The following SUGCT variants were observed in gnomAD, a reference collection of about 807,000 sequenced individuals.
SUGCT encodes the protein succinyl-CoA:glutarate-CoA transferase, also known as succinyl-CoA:glutarate CoA-transferase.
A neutral mutation model predicts 55.0 loss-of-function variants in SUGCT; 41 were observed. The ratio of observed to expected loss-of-function variants is 0.74; its 90% CI spans 0.58 to 0.97. The LOEUF is 0.97. Among genes scored for constraint, SUGCT ranks in the 50% least tolerant of loss-of-function variants. SUGCT has a pLI of 0.00. For synonymous variants in SUGCT, 187 were observed against 200.4 expected (o/e 0.93, Z 0.56); for missense variants, 568 against 547.8 (o/e 1.04, Z -0.37).
intron 13 of SUGCT, among the ~76,000 whole-genome samples, chr7:40,806,722 A>G (rs1757112533): frequency 1.3e-5 from 2 of 152,208 alleles, no homozygotes; most frequent in Non-Finnish European, 2.9e-5. Flanking sequence ...AATATATTCA[A>G]TGTAATAGAA....
intron 7 of SUGCT, among the ~76,000 whole-genome samples, chr7:40,265,095 C>T (rs976346702): frequency 2.0e-4 from 30 of 151,972 alleles, no homozygotes; most frequent in African/African-American, 6.8e-4. Flanking sequence ...ATTTATATTT[C>T]GGAAAGTGGT....
At chr7:40,524,517 AATT>A (rs1177595725) in intron 12 of SUGCT, among the ~76,000 whole-genome samples, 2 of 152,056 alleles carry the variant, frequency 1.3e-5, no homozygotes, top group African/African-American at 4.8e-5. Flanking sequence ...CAGAAATGTT[AATT>A]ATTTGTCTCC....
chr7:40,400,074 AT>A (rs1215813709), intron 9 of SUGCT, among the ~76,000 whole-genome samples: 18 of 152,116 alleles, frequency 1.2e-4, no homozygotes, highest in South Asian at 2.1e-4. Context: ...AAAAATAAAA[AT>A]AAATAGATTT....
chr7:40,247,356 A>G (rs961340278), intron 7 of SUGCT, among the ~76,000 whole-genome samples: 1 of 152,112 alleles, frequency 6.6e-6, no homozygotes, highest in African/African-American at 2.4e-5. Flanking sequence ...CTTGGGTTCA[A>G]GCAATTCTCC....
the SUGCT span, among the ~76,000 whole-genome samples, chr7:40,951,372 T>G: frequency 6.6e-6 from 1 of 152,002 alleles, no homozygotes; most frequent in African/African-American, 2.4e-5. Flanking sequence ...CTTGCTAGCG[T>G]TCTATTAATT....
intron 12 of SUGCT, among the ~76,000 whole-genome samples, chr7:40,736,074 A>T (rs916792369): frequency 1.3e-5 from 2 of 151,676 alleles, no homozygotes; most frequent in Non-Finnish European, 2.9e-5. Context: ...AATTAATTAC[A>T]ACTCAACCCA....
At chr7:40,970,875 T>C in the SUGCT span, among the ~76,000 whole-genome samples, 8 of 152,100 alleles carry the variant, frequency 5.3e-5, no homozygotes, top group Non-Finnish European at 7.4e-5. Context: ...AGCAGGTGAC[T>C]TTACATGCTG....
chr7:40,867,885 T>TA, the SUGCT span, among the ~76,000 whole-genome samples: 1 of 152,358 alleles, frequency 6.6e-6, no homozygotes, highest in Non-Finnish European at 1.5e-5. Flanking sequence ...GGTTCTCTTC[T>TA]ATTAAACTAT....
chr7:40,830,282 C>T (rs571301929), intron 13 of SUGCT, among the ~76,000 whole-genome samples: 20 of 152,178 alleles, frequency 1.3e-4, no homozygotes, highest in Non-Finnish European at 2.8e-4. Flanking sequence ...CTTCCAAGGG[C>T]TTGAGTACCT....
At chr7:40,899,013 C>T in the SUGCT span, among the ~76,000 whole-genome samples, 1 of 152,152 alleles carries the variant, frequency 6.6e-6, no homozygotes, top group South Asian at 2.1e-4. Context: ...ACGTCCGGCT[C>T]TTAGGCATTG....
intron 1 of SUGCT, among the ~76,000 whole-genome samples, chr7:40,145,102 A>T (rs781132861): frequency 6.6e-6 from 1 of 152,096 alleles, no homozygotes. Context: ...ACTTTAGCCA[A>T]TATGTTTACA....
At position 40,267,555 on chromosome 7, in the gene SUGCT, A is replaced by G. The variant is rs116733628; in HGVS notation, c.577-6958A>G. Among the ~76,000 whole-genome samples, 3 of 152,252 alleles carry G rather than the reference A, an allele frequency of 2.0e-5. No homozygotes were observed. In the East Asian group the frequency reaches 5.8e-4, roughly 29 times the overall value. ...TGAGTAATGAATCCCTTTACCCATGATAGAGACAATACCACCCCATTCATC... is the reference window on the plus strand; with the variant it reads ...TGAGTAATGAATCCCTTTACCCATGGTAGAGACAATACCACCCCATTCATC... On this transcript the variant is annotated intron_variant, in intron 7 of 13. Coordinates refer to ENST00000335693, the MANE Select transcript of SUGCT (RefSeq NM_001193313.2).
intron 9 of SUGCT, among the ~76,000 whole-genome samples, chr7:40,360,454 A>G (rs1798098262): frequency 6.6e-6 from 1 of 152,236 alleles, no homozygotes; most frequent in Non-Finnish European, 1.5e-5. Flanking sequence ...ACAAATGCTG[A>G]GCACCAACAG....
chr7:40,432,453 C>T (rs141869407), intron 9 of SUGCT, among the ~76,000 whole-genome samples: 398 of 151,966 alleles, frequency 2.6e-3, no homozygotes, highest in Middle Eastern at 0.017. Flanking sequence ...TTTGGGAGGC[C>T]GAGGTGGGCA....
chr7:40,808,519 T>G (rs555275543), intron 13 of SUGCT: 3 of 152,374 alleles, frequency 2.0e-5, no homozygotes, highest in Admixed American at 1.3e-4. Context: ...CTTACTCTTC[T>G]GCAGTTTCAC....
At chr7:40,264,783 GT>G (rs1791450429) in intron 7 of SUGCT, among the ~76,000 whole-genome samples, 2 of 152,086 alleles carry the variant, frequency 1.3e-5, no homozygotes, top group Admixed American at 6.6e-5. Flanking sequence ...AAGTTTCTAA[GT>G]ATCTCTTGAA....
the SUGCT span, among the ~76,000 whole-genome samples, chr7:40,985,494 G>GA: frequency 1.3e-5 from 2 of 152,010 alleles, no homozygotes; most frequent in African/African-American, 2.4e-5. Context: ...AAATGTGGGG[G>GA]AAAAAAATCT....
chr7:40,373,332 A>C, intron 9 of SUGCT, among the ~76,000 whole-genome samples: 1 of 152,136 alleles, frequency 6.6e-6, no homozygotes, highest in Non-Finnish European at 1.5e-5. Context: ...TAGATTCTAG[A>C]AAATTTAGAA....
chr7:40,463,249 C>T (rs535908065), intron 11 of SUGCT, among the ~76,000 whole-genome samples: 11 of 152,268 alleles, frequency 7.2e-5, no homozygotes, highest in African/African-American at 2.6e-4. Flanking sequence ...CAGCAGATAA[C>T]TTTAAAAACA....
Sources: allele counts gnomAD v4.1 joint callset (sites outside exome capture counted in the v4.1 genomes callset), GRCh38; gene constraint gnomAD v4.1.1; transcripts MANE v1.5; gene names NCBI Gene and HGNC (gene_info 2026-07-23, HGNC 2026-07-21).